FHOD3: variants seen among roughly 807,000 people sequenced by gnomAD.
FHOD3 encodes FH1/FH2 domain-containing protein 3.
FHOD3 carries 90 observed loss-of-function variants against 173.0 expected under a neutral mutation model. That is an observed-to-expected ratio of 0.52 (90% CI 0.44 to 0.62). The LOEUF is 0.62. Among genes scored for constraint, FHOD3 ranks in the 20% least tolerant of loss-of-function variants. The pLI is 0.00. For synonymous variants in FHOD3, 828 were observed against 823.0 expected (o/e 1.01, Z -0.10); for missense variants, 1,945 against 2,034.7 (o/e 0.96, Z 0.85).
At chr18:36,647,664 A>G (rs1224776342) in intron 10 of FHOD3, among the ~76,000 whole-genome samples, 1 of 152,252 alleles carries the variant, frequency 6.6e-6, no homozygotes, top group African/African-American at 2.4e-5. Flanking sequence ...TGACAGCACT[A>G]TTCAAAATAG....
At chr18:36,523,998 C>T (rs762388143) in intron 5 of FHOD3, among the ~76,000 whole-genome samples, 54 of 152,108 alleles carry the variant, frequency 3.6e-4, no homozygotes, top group Non-Finnish European at 7.1e-4. Context: ...GGCTTGTATT[C>T]GGCTGGACAT....
intron 5 of FHOD3, among the ~76,000 whole-genome samples, chr18:36,517,415 C>T (rs139298502): frequency 1.6e-4 from 25 of 152,192 alleles, no homozygotes; most frequent in African/African-American, 5.3e-4. Context: ...CCTGTGGGGT[C>T]CCCTGCATGG....
At chr18:36,703,561 C>T (rs948435956) in intron 17 of FHOD3, among the ~76,000 whole-genome samples, 1 of 152,178 alleles carries the variant, frequency 6.6e-6, no homozygotes, top group African/African-American at 2.4e-5. Flanking sequence ...GGTACAGCAT[C>T]TGGGTGTAGA....
At chr18:36,483,140 T>G (rs1462052694) in intron 3 of FHOD3, among the ~76,000 whole-genome samples, 1 of 152,114 alleles carries the variant, frequency 6.6e-6, no homozygotes, top group Non-Finnish European at 1.5e-5. Context: ...TTTGGGATTT[T>G]GGGGAATTTT....
At chr18:36,422,064 C>T (rs75282422) in intron 3 of FHOD3, among the ~76,000 whole-genome samples, 2,957 of 152,254 alleles carry the variant, frequency 0.019, 92 homozygotes, top group African/African-American at 0.067. Flanking sequence ...TTGAGAAGTA[C>T]ACAGTGATTT....
rs765504526 is a variant in FHOD3 at position 36,355,665 on chromosome 18, C to T, written c.272+20C>T. ...CGCCGGGTAAGAGCAACTGTTCACCCTGCTGACTGGTCCCCACCTACCAGG... is the reference window on the plus strand; with the variant it reads ...CGCCGGGTAAGAGCAACTGTTCACCTTGCTGACTGGTCCCCACCTACCAGG... On this transcript the variant is annotated intron_variant, in intron 2 of 28. Coordinates refer to ENST00000590592, the MANE Select transcript of FHOD3 (RefSeq NM_001281740.3). 4.4e-6 allele frequency: 7 copies of T among 1,602,986 alleles called. No individual in the cohort carries two copies. The highest frequency in any genetic ancestry group is 6.0e-6 in the Non-Finnish European group (7 of 1,170,036).
chr18:36,652,830 C>A lies in FHOD3; in HGVS notation c.1547C>A (p.Pro516His). The A allele has an allele frequency of 2.0e-6, 3 of 1,535,994 alleles. No homozygotes were observed. Among genetic ancestry groups the A allele is most frequent in the Non-Finnish European group, 2.6e-6 (3 of 1,146,736 alleles). Residue 516 changes from proline (P) to histidine (H), a missense_variant, in exon 12 of 29, where the codon CCC becomes CAC. Pro to His is a moderately conservative substitution (Grantham distance 77, BLOSUM62 -2). Around this residue, in one of 5 missense-constraint regions of FHOD3, gnomAD observed 1,099 missense variants for 1,051.2 expected, o/e 1.05. Coordinates refer to ENST00000590592, the MANE Select transcript of FHOD3 (RefSeq NM_001281740.3). ...LKVSPTIDKLPYVPHSPFHLF... is the reference protein window; with the variant it reads ...LKVSPTIDKLHYVPHSPFHLF... Reference sequence around the variant, plus strand: ...GTGTCACCGACCATAGACAAGCTGCCCTACGTGCCCCACAGCCCCTTCCAC... The same window carrying A: ...GTGTCACCGACCATAGACAAGCTGCACTACGTGCCCCACAGCCCCTTCCAC...
intron 5 of FHOD3, among the ~76,000 whole-genome samples, chr18:36,567,281 G>A (rs955593686): frequency 3.9e-5 from 6 of 152,174 alleles, no homozygotes; most frequent in Admixed American, 3.9e-4. Flanking sequence ...GAAAAGGGAA[G>A]TAAAGAAGGG....
intron 5 of FHOD3, among the ~76,000 whole-genome samples, chr18:36,559,993 A>G (rs2058032364): frequency 6.6e-6 from 1 of 152,152 alleles, no homozygotes; most frequent in South Asian, 2.1e-4. Context: ...TGGAAAGTGA[A>G]TTCTTTCTAG....
rs150188745 is a variant in FHOD3, at chr18:36,744,164, G to C, written c.4012G>C (p.Glu1338Gln). The C allele has an allele frequency of 2.1e-5, 34 of 1,613,904 alleles. No individual in the cohort carries two copies. Among genetic ancestry groups the C allele is most frequent in the Non-Finnish European group, 2.6e-5 (31 of 1,179,982 alleles). The change falls in exon 23 of 29, where the codon GAG (glutamate) becomes CAG (glutamine). Residue 1338 changes from glutamate (E) to glutamine (Q), a missense_variant. Glu to Gln is a conservative substitution (Grantham distance 29). Around this residue, in one of 5 missense-constraint regions of FHOD3, gnomAD observed 231 missense variants for 321.9 expected, o/e 0.72. Coordinates refer to ENST00000590592, the MANE Select transcript of FHOD3 (RefSeq NM_001281740.3). ...CCCAGACAGCTCCGATCTGTACTCG[G>C]AGATCGGGGCCATCACCAGGTCAGC... Reference protein sequence around the residue: ...NFPDSSDLYSEIGAITRSAKV... With the variant: ...NFPDSSDLYSQIGAITRSAKV...
At chr18:36,345,296 A>G (rs1365128924) in intron 1 of FHOD3, among the ~76,000 whole-genome samples, 1 of 152,272 alleles carries the variant, frequency 6.6e-6, no homozygotes, top group African/African-American at 2.4e-5. Flanking sequence ...ATTACTTAAT[A>G]TACTTTTAAA....
chr18:36,398,705 C>G (rs185211471), intron 3 of FHOD3, among the ~76,000 whole-genome samples: 14 of 152,344 alleles, frequency 9.2e-5, no homozygotes, highest in Admixed American at 7.8e-4. Context: ...TGTAATCCCA[C>G]TCATTCACAT....
chr18:36,446,024 G>C (rs2051450869), intron 3 of FHOD3, among the ~76,000 whole-genome samples: 1 of 152,190 alleles, frequency 6.6e-6, no homozygotes, highest in African/African-American at 2.4e-5. Flanking sequence ...TGGATTCCCT[G>C]GCCCCTGTCC....
intron 2 of FHOD3, among the ~76,000 whole-genome samples, chr18:36,366,987 T>C (rs1339483583): frequency 1.3e-5 from 2 of 152,224 alleles, no homozygotes; most frequent in Non-Finnish European, 2.9e-5. Context: ...TCTGTCTCTA[T>C]ACCACTCAAT....
intron 3 of FHOD3, among the ~76,000 whole-genome samples, chr18:36,479,505 T>A (rs1422671037): frequency 6.6e-6 from 1 of 152,220 alleles, no homozygotes; most frequent in Non-Finnish European, 1.5e-5. Context: ...TGAAAATTTC[T>A]GCCACATTGT....
chr18:36,384,304 C>T (rs1026306941), intron 3 of FHOD3, among the ~76,000 whole-genome samples: 2 of 151,918 alleles, frequency 1.3e-5, no homozygotes, highest in Non-Finnish European at 2.9e-5. Flanking sequence ...GGTGTGAACC[C>T]AGGAGGCGGA....
chr18:36,341,400 G>A (rs941239329), intron 1 of FHOD3, among the ~76,000 whole-genome samples: 1 of 152,106 alleles, frequency 6.6e-6, no homozygotes, highest in Non-Finnish European at 1.5e-5. Flanking sequence ...TACCAAGGTG[G>A]CCAAGACCCC....
intron 3 of FHOD3, among the ~76,000 whole-genome samples, chr18:36,469,025 A>G (rs972813982): frequency 6.6e-6 from 1 of 152,208 alleles, no homozygotes; most frequent in Non-Finnish European, 1.5e-5. Flanking sequence ...GACAAGAGCT[A>G]GGAAGGAAAC....
At chr18:36,727,464 G>T (rs2041135808) in intron 19 of FHOD3, among the ~76,000 whole-genome samples, 1 of 152,148 alleles carries the variant, frequency 6.6e-6, no homozygotes, top group Admixed American at 6.5e-5. Context: ...ATGAAGAACA[G>T]CACTTAAAGC....
Sources: allele counts gnomAD v4.1 joint callset (sites outside exome capture counted in the v4.1 genomes callset), GRCh38; gene constraint gnomAD v4.1.1; regional missense constraint gnomAD v4.1.1; transcripts MANE v1.5; gene names NCBI Gene and HGNC (gene_info 2026-07-23, HGNC 2026-07-21).